Variants in TCF20 observed in about 807,000 individuals in gnomAD.
TCF20 encodes the protein transcription factor 20, also known as SPRE-binding protein.
In TCF20, 3 loss-of-function variants were observed where a neutral mutation model predicts 148.6. That is an observed-to-expected ratio of 0.02 (90% CI 0.01 to 0.05). The LOEUF (loss-of-function observed/expected upper bound fraction) is 0.05. Among genes scored for constraint, TCF20 ranks in the 10% least tolerant of loss-of-function variants. The pLI is 1.00. For missense variants in TCF20, 2,350 were observed against 2,429.3 expected (o/e 0.97, Z 0.69); for synonymous variants, 1,049 against 909.5 (o/e 1.15, Z -2.76).
At chr22:42,285,149 G>T (rs1927003671), upstream of TCF20, among the ~76,000 whole-genome samples, 2 of 152,182 alleles carry the variant, frequency 1.3e-5, no homozygotes, top group East Asian at 3.9e-4. This position sits in a 1 kb window ranked among gnomAD's most constrained non-coding sequence, Gnocchi z 4.2. Flanking sequence ...TCCACGGCAG[G>T]GCCCTTCCCC....
upstream of TCF20, among the ~76,000 whole-genome samples, chr22:42,270,744 CGGCGGGGGCGG>C (rs938814559): frequency 7.8e-5 from 10 of 128,188 alleles, no homozygotes; most frequent in Non-Finnish European, 1.5e-4. Flanking sequence ...GCGGGGCGCG[CGGCGGGGGCGG>C]GGCGCTGGGG....
chr22:42,251,806 A>G (rs549349775), intron 1 of TCF20, among the ~76,000 whole-genome samples: 3 of 151,884 alleles, frequency 2.0e-5, no homozygotes, highest in East Asian at 3.9e-4. Context: ...CCTGGCCCAA[A>G]TAAGTATTTT....
At position 42,292,052 on chromosome 22, in the gene TCF20, CCT is replaced by C. The variant is rs1417647827; in HGVS notation, c.-37+51425_-37+51426del. Among the ~76,000 whole-genome samples the C allele has an allele frequency of 6.6e-6, 1 of 152,076 alleles. No individual in the cohort carries two copies. Among genetic ancestry groups the C allele is most frequent in the Non-Finnish European group, 1.5e-5 (1 of 68,000 alleles). Reference sequence around the variant, plus strand: ...TCTCTGACCTGGGTAAAAGCAGGCACCTCTCACACACCACCCCTCGTATGAGA... The same window carrying C: ...TCTCTGACCTGGGTAAAAGCAGGCACCTCACACACCACCCCTCGTATGAGA... On this transcript the variant is annotated intron_variant, in intron 1 of 1. Coordinates refer to the TCF20 transcript ENST00000515426. The surrounding 1 kb of genome is among the most constrained non-coding windows in gnomAD (Gnocchi z 4.9).
At chr22:42,200,867 T>C (rs1459280597) in intron 2 of TCF20, among the ~76,000 whole-genome samples, 1 of 152,200 alleles carries the variant, frequency 6.6e-6, no homozygotes, top group Non-Finnish European at 1.5e-5. Context: ...CTTACACGCT[T>C]AGAAATCACT....
At position 42,161,176 on chromosome 22, in the gene TCF20, C is replaced by G. The variant is rs1030616927; in HGVS notation, c.*227G>C. Reference sequence around the variant, plus strand: ...GTGTCCATGGAAACAGCCATTCCAACGTCTTGGGTCTTTCTTTCCTGTGGT... The same window carrying G: ...GTGTCCATGGAAACAGCCATTCCAAGGTCTTGGGTCTTTCTTTCCTGTGGT... On this transcript the variant is annotated 3_prime_UTR_variant, in exon 6 of 6. Transcript: ENST00000677622. 2 of 479,086 alleles carry G rather than the reference C, an allele frequency of 4.2e-6. No individual in the cohort carries two copies. Among genetic ancestry groups the G allele is most frequent in the Non-Finnish European group, 3.4e-6 (1 of 297,612 alleles). 29.7% of individuals were successfully genotyped at this position (479,086 alleles called of 1,614,324 possible). A position where few individuals can be genotyped will look rare whatever the true frequency, so the allele number is the denominator to read the frequency against.
rs1935362108 is a variant in TCF20 at position 42,160,461 on chromosome 22, T to TA, written c.*941_*942insT. The stretch of plus-strand genomic sequence containing the variant: ...TCCCATCCCCACGGGTCCCTGTGGG[T>TA]CAGGGCACAGCTGCCTGGAATGTGC... On this transcript the variant is annotated 3_prime_UTR_variant, in exon 6 of 6. Transcript: ENST00000677622. 1 of 152,448 alleles carries TA rather than the reference T, an allele frequency of 6.6e-6. No individual in the cohort carries two copies. Among genetic ancestry groups the TA allele is most frequent in the Admixed American group, 6.6e-5 (1 of 15,236 alleles). The allele number at this position is 152,448 out of a possible 1,614,324, so 9.4% of individuals were successfully genotyped here. A position where few individuals can be genotyped will look rare whatever the true frequency, so the allele number is the denominator to read the frequency against.
intron 1 of TCF20, among the ~76,000 whole-genome samples, chr22:42,269,538 G>A (rs563760110): frequency 3.9e-5 from 6 of 152,322 alleles, no homozygotes; most frequent in Admixed American, 1.3e-4. Flanking sequence ...TAGCCTGAGA[G>A]GGATCGGCCC....
intron 2 of TCF20, among the ~76,000 whole-genome samples, chr22:42,207,681 G>A (rs1601586685): frequency 6.6e-6 from 1 of 152,306 alleles, no homozygotes; most frequent in East Asian, 1.9e-4. Flanking sequence ...TGTGCATGGT[G>A]GCGCATGCCT....
At chr22:42,261,287 A>G (rs1255579355) in intron 1 of TCF20, among the ~76,000 whole-genome samples, 1 of 152,050 alleles carries the variant, frequency 6.6e-6, no homozygotes, top group Non-Finnish European at 1.5e-5. Context: ...TTTGGCTATT[A>G]ATATTCTTAT....
At chr22:42,250,906 G>C (rs1161836825) in intron 1 of TCF20, among the ~76,000 whole-genome samples, 20 of 152,192 alleles carry the variant, frequency 1.3e-4, no homozygotes, top group Admixed American at 1.3e-3. Flanking sequence ...ACATGATGAG[G>C]ACTGAGCAAG....
intron 1 of TCF20, among the ~76,000 whole-genome samples, chr22:42,248,522 A>G (rs986948032): frequency 2.0e-5 from 3 of 152,254 alleles, no homozygotes; most frequent in East Asian, 1.9e-4. Context: ...CTGATTTACT[A>G]CATCAGTGAT....
chr22:42,260,721 C>T (rs1925985804), intron 1 of TCF20, among the ~76,000 whole-genome samples: 1 of 152,078 alleles, frequency 6.6e-6, no homozygotes, highest in Non-Finnish European at 1.5e-5. Context: ...TGGACTCAAG[C>T]GATCCACCTG....
intron 2 of TCF20, among the ~76,000 whole-genome samples, chr22:42,205,401 T>C (rs1038552102): frequency 1.3e-5 from 2 of 151,458 alleles, no homozygotes; most frequent in Non-Finnish European, 2.9e-5. Flanking sequence ...GCAATGTCTC[T>C]TGAGGACTTC....
intron 2 of TCF20, among the ~76,000 whole-genome samples, chr22:42,191,853 G>A (rs1028199581): frequency 1.3e-5 from 2 of 152,222 alleles, no homozygotes; most frequent in African/African-American, 2.4e-5. Context: ...AGAAAAGGCT[G>A]AACCCAGCAG....
chr22:42,303,476 C>T (rs1391877819), intron 1 of TCF20, among the ~76,000 whole-genome samples: 1 of 152,242 alleles, frequency 6.6e-6, no homozygotes, highest in African/African-American at 2.4e-5. Context: ...AGCTCTGTAA[C>T]CTGCACAACA....
intron 2 of TCF20, among the ~76,000 whole-genome samples, chr22:42,204,488 C>T (rs1304225630): frequency 6.6e-6 from 1 of 151,008 alleles, no homozygotes; most frequent in African/African-American, 2.4e-5. Context: ...GAGTGAGACC[C>T]TGTCTCAAAA....
rs956263748 is a variant in TCF20, at chr22:42,252,963, T to C, written c.-37+17376A>G. The stretch of plus-strand genomic sequence containing the variant: ...TTAACAAAAATAAAATATTATGAAG[T>C]ATATAGTATATATTTTAATAAAAGG... On this transcript the variant is annotated intron_variant, in intron 1 of 5. Coordinates refer to ENST00000677622, the MANE Select transcript of TCF20 (RefSeq NM_001378418.1). Among the ~76,000 whole-genome samples, 5 of 152,034 alleles carry C rather than the reference T, an allele frequency of 3.3e-5. No individual in the cohort carries two copies. The East Asian group carries it at 5.8e-4, about 18-fold the overall frequency.
intron 1 of TCF20, among the ~76,000 whole-genome samples, chr22:42,265,506 T>C (rs1275749869): frequency 6.6e-6 from 1 of 152,212 alleles, no homozygotes; most frequent in Non-Finnish European, 1.5e-5. Flanking sequence ...TCTCACTATG[T>C]TGCCCAGGCT....
In TCF20 at chr22:42,323,996, A is replaced by T. The variant is rs866722864; in HGVS notation, c.-37+19483T>A. Among the ~76,000 whole-genome samples, 76 of 8,784 alleles carry T rather than the reference A, an allele frequency of 8.7e-3. 3 individuals carry two copies. The highest frequency in any genetic ancestry group is 0.021 in the East Asian group (5 of 236). The allele number at this position is 8,784 out of a possible 152,430, so 5.8% of individuals were successfully genotyped here. A position where few individuals can be genotyped will look rare whatever the true frequency, so the allele number is the denominator to read the frequency against. ...GTGGTGGTGGAGGTTATGGTGGTGG[A>T]GGTGGTGGCGGAGGTTATGGTGGTG... is the stretch of plus-strand genomic sequence containing the variant. On this transcript the variant is annotated intron_variant, in intron 1 of 1. Transcript: ENST00000515426.
Sources: allele counts gnomAD v4.1 joint callset (sites outside exome capture counted in the v4.1 genomes callset), GRCh38; gene constraint gnomAD v4.1.1; non-coding constraint Gnocchi (gnomAD v3.1); transcripts MANE v1.5; gene names NCBI Gene and HGNC (gene_info 2026-07-23, HGNC 2026-07-21).